FAT1: variants seen among roughly 807,000 people sequenced by gnomAD.
FAT1 encodes the protein protocadherin Fat 1.
FAT1 carries 171 observed loss-of-function variants against 329.8 expected under a neutral mutation model. The ratio of observed to expected loss-of-function variants is 0.52; its 90% confidence interval spans 0.46 to 0.59. The LOEUF is 0.59. FAT1 is among the 20% of genes least tolerant of loss of function. FAT1 has a pLI of 0.00. For missense variants in FAT1, 5,672 were observed against 5,774.4 expected (o/e 0.98, Z 0.57); for synonymous variants, 2,233 against 2,228.6 (o/e 1.00, Z -0.06).
intron 2 of FAT1, among the ~76,000 whole-genome samples, chr4:186,705,375 T>C (rs886332898): frequency 5.9e-5 from 9 of 152,142 alleles, no homozygotes; most frequent in African/African-American, 2.2e-4. Context: ...ACTGAATATA[T>C]AAAGTTTAAA....
At chr4:186,713,657 C>G (rs531118732) in intron 1 of FAT1, among the ~76,000 whole-genome samples, 3 of 152,148 alleles carry the variant, frequency 2.0e-5, no homozygotes, top group Admixed American at 2.0e-4. Flanking sequence ...TTTATTTATT[C>G]AATTTTTTTT....
At chr4:186,668,912 A>G (rs1056665653) in intron 2 of FAT1, among the ~76,000 whole-genome samples, 6 of 152,214 alleles carry the variant, frequency 3.9e-5, no homozygotes, top group African/African-American at 1.4e-4. Context: ...ATCCCTGTCT[A>G]TTTCTCTTTA....
intron 4 of FAT1, among the ~76,000 whole-genome samples, chr4:186,637,333 A>G (rs766243056): frequency 5.9e-5 from 9 of 152,236 alleles, no homozygotes; most frequent in Non-Finnish European, 1.0e-4. Flanking sequence ...CTACATACTT[A>G]AAAACAAAAT....
chr4:186,613,034 C>G, intron 13 of FAT1, 75 bp downstream of exon 13: 2 of 952,484 alleles, frequency 2.1e-6, no homozygotes, highest in Non-Finnish European at 1.6e-6. Flanking sequence ...CAGGCTGAAT[C>G]TGGGGTGTGT....
Position 186,603,318 on chromosome 4 carries a change from T to C in FAT1, c.11208A>G (p.Lys3736=). The C allele has an allele frequency of 6.2e-7, 1 of 1,613,952 alleles. No individual in the cohort carries two copies. Among genetic ancestry groups the C allele is most frequent in the Non-Finnish European group, 8.5e-7 (1 of 1,179,888 alleles). Reference sequence around the variant, plus strand: ...AGGGGCAGTCCAGTCCCGCGCAGAGTTTCTGGAATACATTCAGTATCCTAA... The same window carrying C: ...AGGGGCAGTCCAGTCCCGCGCAGAGCTTCTGGAATACATTCAGTATCCTAA... ...IGVRILNVFQ[K]LCAGLDCPWK... Residue 3736 remains lysine, a synonymous_variant, in exon 19 of 27, where the codon AAA becomes AAG. Transcript: ENST00000441802.
chr4:186,717,009 C>T lies in FAT1; in HGVS notation c.-19+6655G>A, dbSNP rs149261680. Among the ~76,000 whole-genome samples, 49 of 152,192 alleles carry T rather than the reference C, an allele frequency of 3.2e-4. No individual in the cohort carries two copies. In the East Asian group the frequency reaches 8.3e-3, roughly 26 times the overall value. ...CTCGAATTCCTGGCTGCAAGTCATCCACCCACCTCAGCCTCCCAAAGTGCT... is the reference window on the plus strand; with the variant it reads ...CTCGAATTCCTGGCTGCAAGTCATCTACCCACCTCAGCCTCCCAAAGTGCT... On this transcript the variant is annotated intron_variant, in intron 1 of 26. Transcript: ENST00000441802.
chr4:186,610,078 T>G, intron 14 of FAT1, 63 bp from the exon 15 acceptor site: 1 of 937,374 alleles, frequency 1.1e-6, no homozygotes, highest in East Asian at 2.5e-5. Flanking sequence ...CCACTATGAC[T>G]GAAATAGATG....
intron 3 of FAT1, among the ~76,000 whole-genome samples, chr4:186,649,669 G>C (rs560932481): frequency 9.2e-5 from 14 of 152,242 alleles, no homozygotes; most frequent in African/African-American, 3.4e-4. Flanking sequence ...CTTCCTTAGC[G>C]CTTTCAGAGG....
chr4:186,632,317 G>A (rs1458029292), intron 7 of FAT1, among the ~76,000 whole-genome samples: 1 of 152,206 alleles, frequency 6.6e-6, no homozygotes, highest in Non-Finnish European at 1.5e-5. Flanking sequence ...CAGCTCCACT[G>A]TTTATGAAGC....
At position 186,621,832 on chromosome 4, in the gene FAT1, G is replaced by C. The variant is rs28423024; in HGVS notation, c.4811-57C>G. The C allele has an allele frequency of 0.13, 141,632 of 1,075,956 alleles. 11,442 individuals carry two copies. The highest frequency in any genetic ancestry group is 0.39 in the East Asian group (14,953 of 38,282). 66.7% of individuals were successfully genotyped at this position (1,075,956 alleles called of 1,614,324 possible). On this transcript the variant is annotated intron_variant, in intron 9 of 26. Transcript: ENST00000441802. The stretch of plus-strand genomic sequence containing the variant: ...AAAAACACAAGGGGCAGTAGTAGTA[G>C]TAGTTAGAGAAACAGAAACAAAGTA...
At chr4:186,660,185 G>T (rs985324633) in intron 3 of FAT1, among the ~76,000 whole-genome samples, 1 of 152,042 alleles carries the variant, frequency 6.6e-6, no homozygotes, top group Non-Finnish European at 1.5e-5. Flanking sequence ...ATTTCCTACC[G>T]GACGGACTTT....
At chr4:186,615,335 C>T (rs1285057997) in intron 11 of FAT1, among the ~76,000 whole-genome samples, 1 of 152,088 alleles carries the variant, frequency 6.6e-6, no homozygotes. Flanking sequence ...AGGGTTCTTC[C>T]ATCTTAAGTC....
In FAT1 at chr4:186,628,707, C is replaced by T. The variant is rs568366597; in HGVS notation, c.4380G>A (p.Lys1460=). ...NDHRPQFSTS[K]YEVVIPEDTA... ...TATCTTCAGGAATAACAACTTCATA[C>T]TTTGATGTAGAAAACTGAGGACGAT... The change falls in exon 8 of 27, where the codon AAG becomes AAA. Residue 1460 remains lysine, a synonymous_variant. Transcript: ENST00000441802. 87 of 1,613,910 alleles carry T rather than the reference C, an allele frequency of 5.4e-5. 1 individual carries two copies. In the South Asian group the frequency reaches 9.2e-4, roughly 17 times the overall value.
intron 2 of FAT1, among the ~76,000 whole-genome samples, chr4:186,704,208 T>C (rs1031982724): frequency 3.9e-5 from 6 of 152,184 alleles, no homozygotes; most frequent in African/African-American, 1.2e-4. Flanking sequence ...GTTTCTTATA[T>C]ACTTACCAAC....
chr4:186,687,057 A>G (rs1743501478), intron 2 of FAT1, among the ~76,000 whole-genome samples: 1 of 152,206 alleles, frequency 6.6e-6, no homozygotes, highest in Admixed American at 6.5e-5. Flanking sequence ...CATACAAGAG[A>G]CGCTTTTTAA....
At position 186,690,689 on chromosome 4, in the gene FAT1, C is replaced by CA. The variant is rs769826893; in HGVS notation, c.3265+15873dup. On this transcript the variant is annotated intron_variant, in intron 2 of 26. Transcript: ENST00000441802. Reference sequence around the variant, plus strand: ...TGGGCGACAGAGTGAGACTCTGCCTCAAAAAAAAAAAATCTAGTAGCCCAC... The same window carrying CA: ...TGGGCGACAGAGTGAGACTCTGCCTCAAAAAAAAAAAAATCTAGTAGCCCAC... Among the ~76,000 whole-genome samples the CA allele has an allele frequency of 6.7e-3, 944 of 141,062 alleles. 7 individuals are homozygous for CA. The highest frequency in any genetic ancestry group is 0.019 in the African/African-American group (748 of 38,520). The allele number at this position is 141,062 out of a possible 152,430, so 92.5% of individuals were successfully genotyped here.
intron 2 of FAT1, among the ~76,000 whole-genome samples, chr4:186,705,689 T>G (rs1464833447): frequency 6.6e-6 from 1 of 152,212 alleles, no homozygotes; most frequent in African/African-American, 2.4e-5. Flanking sequence ...CAGGACATAT[T>G]GACATATAAC....
At position 186,645,422 on chromosome 4, in the gene FAT1, T is replaced by TATCTAA. The variant is rs1420963668; in HGVS notation, c.3581-5640_3581-5639insTTAGAT. ...ATATATATATATATATATATATATA[T>TATCTAA]GCCTGTAAAAAACTGAGATATATCC... On this transcript the variant is annotated intron_variant, in intron 3 of 26. Transcript: ENST00000441802. Among the ~76,000 whole-genome samples, 4 of 58,000 alleles carry TATCTAA rather than the reference T, an allele frequency of 6.9e-5. 1 individual carries two copies. Among genetic ancestry groups the TATCTAA allele is most frequent in the African/African-American group, 3.0e-4 (4 of 13,432 alleles). The allele number at this position is 58,000 out of a possible 152,430, so 38.1% of individuals were successfully genotyped here.
rs139721844 is a variant in FAT1 at position 186,702,853 on chromosome 4, T to C, written c.3265+3710A>G. Among the ~76,000 whole-genome samples, 567 of 152,290 alleles carry C rather than the reference T, an allele frequency of 3.7e-3. 5 individuals are homozygous for C. Among genetic ancestry groups the C allele is most frequent in the Middle Eastern group, 0.017 (5 of 294 alleles). ...AGAGGGGGTTGGATGCTGAGACGCA[T>C]GGCAGGCAGACCGAACCCTGAATGT... On this transcript the variant is annotated intron_variant, in intron 2 of 26. Coordinates refer to ENST00000441802, the MANE Select transcript of FAT1 (RefSeq NM_005245.4).
Sources: allele counts gnomAD v4.1 joint callset (sites outside exome capture counted in the v4.1 genomes callset), GRCh38; gene constraint gnomAD v4.1.1; transcripts MANE v1.5; gene names NCBI Gene and HGNC (gene_info 2026-07-23, HGNC 2026-07-21).